Variants in IFRD2 observed in about 807,000 individuals in gnomAD.
IFRD2 encodes the protein interferon related developmental regulator 2.
A neutral mutation model predicts 49.2 loss-of-function variants in IFRD2; 35 were observed. That is an observed-to-expected ratio of 0.71 (90% CI 0.54 to 0.94). The LOEUF (loss-of-function observed/expected upper bound fraction) is 0.94, where lower values mean the gene tolerates loss of function less well. Among genes scored for constraint, IFRD2 ranks in the 40% least tolerant of loss-of-function variants. The pLI is 0.00. For synonymous variants in IFRD2, 275 were observed against 239.7 expected (o/e 1.15, Z -1.36); for missense variants, 561 against 591.6 (o/e 0.95, Z 0.54).
intron 1 of IFRD2, 164 bp downstream of exon 1, chr3:50,292,053 C>T: frequency 1.3e-6 from 1 of 744,122 alleles, no homozygotes; most frequent in Non-Finnish European, 2.0e-6. Flanking sequence ...CGCACGTGGC[C>T]AATGACTGCT....
At chr3:50,289,686 A>G (rs782400224) in intron 6 of IFRD2, 26 bp downstream of exon 6, 4 of 1,597,058 alleles carry the variant, frequency 2.5e-6, no homozygotes, top group Admixed American at 1.7e-5. Context: ...TAGATGCTCT[A>G]CCACCTGTGC....
In IFRD2 at chr3:50,290,679, C is replaced by T; in HGVS notation, c.59G>A (p.Gly20Asp). 6.2e-7 allele frequency: 1 copy of T among 1,613,312 alleles called. No homozygotes were observed. Among genetic ancestry groups the T allele is most frequent in the East Asian group, 2.2e-5 (1 of 44,884 alleles). Reference sequence around the variant, plus strand: ...GTCAGCTTGGGCACTGCTCCGGGCACCTGGAGAAGGTGGAATAGGACACTC... The same window carrying T: ...GTCAGCTTGGGCACTGCTCCGGGCATCTGGAGAAGGTGGAATAGGACACTC... ...LRKGGQRRGG[G>D]ARSSAQADSG... The change falls in exon 2 of 12, where the codon GGT (glycine) becomes GAT (aspartate). Residue 20 changes from glycine (G) to aspartate (D), a missense_variant and splice_region_variant. Transcript: ENST00000417626.
Position 50,292,301 on chromosome 3 carries a change from G to T in IFRD2, c.-27C>A, listed in dbSNP as rs1553709933. On this transcript the variant is annotated 5_prime_UTR_variant, in exon 1 of 12. Coordinates refer to ENST00000417626, the MANE Select transcript of IFRD2 (RefSeq NM_006764.5). The stretch of plus-strand genomic sequence containing the variant: ...CCGGGAACCGGGCGCGGGGGGCGCG[G>T]GGTCAGGGACCCGGTGGGTGTGGGC... The T allele has an allele frequency of 6.4e-7, 1 of 1,559,504 alleles. No homozygotes were observed. The highest frequency in any genetic ancestry group is 1.9e-5 in the Admixed American group (1 of 51,384).
At chr3:50,290,829 T>G in intron 1 of IFRD2, 150 bp from the exon 2 acceptor site, 1 of 1,027,558 alleles carries the variant, frequency 9.7e-7, no homozygotes, top group South Asian at 1.5e-5. Context: ...GTAGGGCTGG[T>G]GCACTCCTGT....
At position 50,292,233 on chromosome 3, in the gene IFRD2, A is replaced by C. The variant is rs1444649323; in HGVS notation, c.42T>G (p.Gly14=). 2 of 1,501,360 alleles carry C rather than the reference A, an allele frequency of 1.3e-6. No homozygotes were observed. The highest frequency in any genetic ancestry group is 2.8e-5 in the African/African-American group (2 of 71,240). The allele number at this position is 1,501,360 out of a possible 1,614,324, so 93.0% of individuals were successfully genotyped here. ...ARKGNTLRKG[G]QRRGGGARSS... The stretch of plus-strand genomic sequence containing the variant: ...CCCACTCACCTCCTCCACGGCGCTG[A>C]CCACCCTTCCGGAGCGTGTTGCCCT... Residue 14 remains glycine (G), a synonymous_variant, in exon 1 of 12, where the codon GGT becomes GGG. Coordinates refer to ENST00000417626, the MANE Select transcript of IFRD2 (RefSeq NM_006764.5).
rs782624407 is a variant in IFRD2 at position 50,290,059 on chromosome 3, G to A, written c.416C>T (p.Ala139Val). The A allele has an allele frequency of 1.9e-6, 3 of 1,613,828 alleles. No homozygotes were observed. The highest frequency in any genetic ancestry group is 1.7e-6 in the Non-Finnish European group (2 of 1,179,782). ...KGKGEEQALA[A>V]AVLGLLCVQL... Reference sequence around the variant, plus strand: ...CACGCAGAGCAGGCCTAGCACAGCAGCAGCCAGGGCTTGTTCCTCGCCCTT... The same window carrying A: ...CACGCAGAGCAGGCCTAGCACAGCAACAGCCAGGGCTTGTTCCTCGCCCTT... The change falls in exon 5 of 12, where the codon GCT becomes GTT. Residue 139 changes from alanine (A) to valine (V), a missense_variant. Transcript: ENST00000417626.
rs1553709246 is a variant in IFRD2 at position 50,289,365 on chromosome 3, G to A, written c.780-5C>T. On this transcript the variant is annotated splice_region_variant and splice_polypyrimidine_tract_variant and intron_variant, in intron 7 of 11. Coordinates refer to ENST00000417626, the MANE Select transcript of IFRD2 (RefSeq NM_006764.5). ...TGGGGCAGCCGGGGCAGCTGCCTAGGGAAGGGGCAGGCTGAGCTATATGTG... is the reference window on the plus strand; with the variant it reads ...TGGGGCAGCCGGGGCAGCTGCCTAGAGAAGGGGCAGGCTGAGCTATATGTG... 1.3e-6 allele frequency: 2 copies of A among 1,591,080 alleles called. No individual in the cohort carries two copies. Among genetic ancestry groups the A allele is most frequent in the Non-Finnish European group, 1.7e-6 (2 of 1,168,912 alleles).
In IFRD2 at chr3:50,288,266, C is replaced by T. The variant is rs151152925; in HGVS notation, c.1254G>A (p.Leu418=). Reference sequence around the variant, plus strand: ...GGGCTTTGAAGGCAGCAGCATTGTACAGGTGCTAGAGTGGGGACAGAGAGT... The same window carrying T: ...GGGCTTTGAAGGCAGCAGCATTGTATAGGTGCTAGAGTGGGGACAGAGAGT... The part of the protein sequence containing the change: ...ACKVPRFEKH[L]YNAAAFKART... Residue 418 remains leucine, a synonymous_variant, in exon 12 of 12, where the codon CTG becomes CTA. Transcript: ENST00000417626. 959 of 1,613,844 alleles carry T rather than the reference C, an allele frequency of 5.9e-4. 9 individuals are homozygous for T. The African/African-American group carries it at 0.011, about 19-fold the overall frequency.
chr3:50,289,656 C>T (rs1553709387), intron 6 of IFRD2, 28 bp from the exon 7 acceptor site: 2 of 1,595,126 alleles, frequency 1.3e-6, no homozygotes, highest in Non-Finnish European at 1.7e-6. Context: ...CAGGGGAGCT[C>T]AGAGGCAGAG....
In IFRD2 at chr3:50,288,099, G is replaced by C; in HGVS notation, c.*92C>G. On this transcript the variant is annotated 3_prime_UTR_variant, in exon 12 of 12. Transcript: ENST00000417626. ...GTTTTGTCATTAAAAAAAATAAAGT[G>C]ACAAATACTGGTGGAGACCAGTTGT... is the stretch of plus-strand genomic sequence containing the variant. The C allele has an allele frequency of 8.6e-7, 1 of 1,166,524 alleles. No homozygotes were observed. The highest frequency in any genetic ancestry group is 1.2e-6 in the Non-Finnish European group (1 of 800,240). 72.3% of individuals were successfully genotyped at this position (1,166,524 alleles called of 1,614,324 possible).
Position 50,290,570 on chromosome 3 carries a change from CTCT to C in IFRD2, c.165_167del (p.Glu56del). On this transcript the variant is annotated inframe_deletion, in exon 2 of 12. Coordinates refer to ENST00000417626, the MANE Select transcript of IFRD2 (RefSeq NM_006764.5). ...TCCACCCGCTCTCACCAAGGCTGTC[CTCT>C]GCAGTGGTGCTGAGAAGGCTGGGGC... is the stretch of plus-strand genomic sequence containing the variant. 6.2e-7 allele frequency: 1 copy of C among 1,613,986 alleles called. No individual in the cohort carries two copies. Among genetic ancestry groups the C allele is most frequent in the Non-Finnish European group, 8.5e-7 (1 of 1,179,886 alleles).
Position 50,288,174 on chromosome 3 carries a change from C to T in IFRD2, c.*17G>A, listed in dbSNP as rs1553708880. 6.2e-6 allele frequency: 10 copies of T among 1,607,176 alleles called. No homozygotes were observed. Among genetic ancestry groups the T allele is most frequent in the Non-Finnish European group, 6.8e-6 (8 of 1,174,442 alleles). ...GGACCAAGGGCATAGAAAGTCTCCT[C>T]TTCAGCAGGTCCTGCTTCACAGGAT... On this transcript the variant is annotated 3_prime_UTR_variant, in exon 12 of 12. Transcript: ENST00000417626.
Position 50,290,302 on chromosome 3 carries a change from A to G in IFRD2, c.264-8T>C. On this transcript the variant is annotated splice_polypyrimidine_tract_variant and splice_region_variant and intron_variant, in intron 3 of 11. Coordinates refer to ENST00000417626, the MANE Select transcript of IFRD2 (RefSeq NM_006764.5). ...CCCTGCCGGGTCTTGGCACTGGGGG[A>G]GGTCGAGAAGGGGGGTCATATGGGC... is the stretch of plus-strand genomic sequence containing the variant. 1 of 1,608,564 alleles carries G rather than the reference A, an allele frequency of 6.2e-7. No individual in the cohort carries two copies. The highest frequency in any genetic ancestry group is 8.5e-7 in the Non-Finnish European group (1 of 1,177,340).
Position 50,288,684 on chromosome 3 carries a change from G to A in IFRD2, c.1051C>T (p.Arg351Cys), listed in dbSNP as rs977124055. 36 of 1,613,488 alleles carry A rather than the reference G, an allele frequency of 2.2e-5. No individual in the cohort carries two copies. The highest frequency in any genetic ancestry group is 6.7e-5 in the East Asian group (3 of 44,878). The change falls in exon 10 of 12, where the codon CGC (arginine) becomes TGC (cysteine). Residue 351 changes from arginine to cysteine, a missense_variant. Transcript: ENST00000417626. ...EGGECEEEIV[R>C]FGFEVLYMDS... Reference sequence around the variant, plus strand: ...ATGTAGAGCACCTCAAAGCCGAAGCGCACTATCTCTTCTTCGCATTCACCG... The same window carrying A: ...ATGTAGAGCACCTCAAAGCCGAAGCACACTATCTCTTCTTCGCATTCACCG...
chr3:50,288,333 C>A, intron 11 of IFRD2, 62 bp from the exon 12 acceptor site: 1 of 1,603,742 alleles, frequency 6.2e-7, no homozygotes, highest in Non-Finnish European at 8.5e-7. Flanking sequence ...TGGGGGTCCT[C>A]TTCCGGCCTC....
Position 50,292,333 on chromosome 3 carries a change from C to T in IFRD2, c.-59G>A. Reference sequence around the variant, plus strand: ...GGACCCGGTGGGTGTGGGCTCCAGGCCAACGAGACGCCGGCCGGTGCGCTG... The same window carrying T: ...GGACCCGGTGGGTGTGGGCTCCAGGTCAACGAGACGCCGGCCGGTGCGCTG... On this transcript the variant is annotated 5_prime_UTR_variant, in exon 1 of 12. Coordinates refer to ENST00000417626, the MANE Select transcript of IFRD2 (RefSeq NM_006764.5). 1 of 1,565,964 alleles carries T rather than the reference C, an allele frequency of 6.4e-7. No individual in the cohort carries two copies. Among genetic ancestry groups the T allele is most frequent in the South Asian group, 1.2e-5 (1 of 86,438 alleles).
In IFRD2 at chr3:50,289,291, G is replaced by A. The variant is rs782426208; in HGVS notation, c.849C>T (p.Thr283=). Residue 283 remains threonine (T), a synonymous_variant, in exon 8 of 12, where the codon ACC becomes ACT. Transcript: ENST00000417626. ...GGGCAAGCTCAAAGAGCAGTGCAATGGTTTCACCGGCAGCGATCCGCAGGT... is the reference window on the plus strand; with the variant it reads ...GGGCAAGCTCAAAGAGCAGTGCAATAGTTTCACCGGCAGCGATCCGCAGGT... ...SVNLRIAAGE[T]IALLFELARD... The A allele has an allele frequency of 2.5e-6, 4 of 1,593,828 alleles. No individual in the cohort carries two copies. The highest frequency in any genetic ancestry group is 3.4e-6 in the Non-Finnish European group (4 of 1,170,480).
Position 50,288,835 on chromosome 3 carries a change from G to T in IFRD2, c.988C>A (p.Arg330Ser). ...YRAKADRRRQ[R>S]STFRAVLHSV... ...TGCAGCACGGCGCGGAAAGTAGAGC[G>T]CTGGCGCCGACGATCAGCCTTGGCA... is the stretch of plus-strand genomic sequence containing the variant. Residue 330 changes from arginine (R) to serine (S), a missense_variant, in exon 9 of 12, where the codon CGC (arginine) becomes AGC (serine). Physicochemically the swap from Arg to Ser is moderately radical, Grantham distance 110. Coordinates refer to ENST00000417626, the MANE Select transcript of IFRD2 (RefSeq NM_006764.5). The T allele has an allele frequency of 3.7e-6, 6 of 1,613,404 alleles. No homozygotes were observed. The highest frequency in any genetic ancestry group is 5.1e-6 in the Non-Finnish European group (6 of 1,179,622).
rs782710960 is a variant in IFRD2 at position 50,290,079 on chromosome 3, G to A, written c.396C>T (p.Gly132=). The change falls in exon 5 of 12, where the codon GGC becomes GGT. Residue 132 remains glycine, a synonymous_variant. Coordinates refer to ENST00000417626, the MANE Select transcript of IFRD2 (RefSeq NM_006764.5). The stretch of plus-strand genomic sequence containing the variant: ...CAGCAGCAGCCAGGGCTTGTTCCTC[G>A]CCCTTCCCTGTGGGATGCTTTCCAG... ...ALEKCLKKGK[G]EEQALAAAVL... The A allele has an allele frequency of 5.1e-5, 83 of 1,613,416 alleles. No homozygotes were observed. The highest frequency in any genetic ancestry group is 6.7e-5 in the Non-Finnish European group (79 of 1,179,632).
Sources: allele counts gnomAD v4.1 joint callset, GRCh38; gene constraint gnomAD v4.1.1; transcripts MANE v1.5; gene names NCBI Gene and HGNC (gene_info 2026-07-23, HGNC 2026-07-21).